UNC13C: variants seen among roughly 807,000 people sequenced by gnomAD.
The protein encoded by UNC13C is unc-13 homolog C.
UNC13C carries 174 observed loss-of-function variants against 245.4 expected under a neutral mutation model. The ratio of observed to expected loss-of-function variants is 0.71; its 90% CI spans 0.63 to 0.80. UNC13C has a LOEUF of 0.80. Ranked by LOEUF, UNC13C falls within the 30% of genes least tolerant of loss-of-function variation. The pLI is 0.00. For synonymous variants in UNC13C, 992 were observed against 895.1 expected, an observed-to-expected ratio of 1.11 and a Z score of -1.93; for missense variants, 2,829 against 2,602.9, an observed-to-expected ratio of 1.09 and a Z score of -1.89.
intron 2 of UNC13C, among the ~76,000 whole-genome samples, chr15:54,076,052 T>C (rs1898596167): frequency 8.1e-6 from 1 of 123,130 alleles, no homozygotes; most frequent in Admixed American, 9.2e-5. Context: ...TTCTGCTCCT[T>C]CACTTAGATT....
intron 2 of UNC13C, among the ~76,000 whole-genome samples, chr15:54,122,519 T>C (rs755307599): frequency 6.6e-5 from 10 of 152,082 alleles, no homozygotes; most frequent in Non-Finnish European, 1.3e-4. Flanking sequence ...ATCCATTGTA[T>C]GTGTGCAGTT....
chr15:53,875,807 C>T, the UNC13C span, among the ~76,000 whole-genome samples: 1 of 152,188 alleles, frequency 6.6e-6, no homozygotes, highest in Non-Finnish European at 1.5e-5. Flanking sequence ...TACTCAAGCA[C>T]TAGGGTCTGG....
At chr15:54,449,673 C>A (rs943178470) in intron 19 of UNC13C, among the ~76,000 whole-genome samples, 1 of 152,110 alleles carries the variant, frequency 6.6e-6, no homozygotes, top group African/African-American at 2.4e-5. Context: ...GTTAGCCATT[C>A]GACTAATCAT....
intron 19 of UNC13C, among the ~76,000 whole-genome samples, chr15:54,480,483 C>G (rs1023081921): frequency 1.4e-5 from 2 of 139,914 alleles, no homozygotes; most frequent in African/African-American, 5.3e-5. Flanking sequence ...TTTATAAATT[C>G]TTCACTCTGC....
intron 10 of UNC13C, among the ~76,000 whole-genome samples, chr15:54,282,374 C>G (rs985514862): frequency 1.3e-5 from 2 of 152,166 alleles, no homozygotes; most frequent in Non-Finnish European, 2.9e-5. Flanking sequence ...GGCGCCCTCT[C>G]TACTTGTCCC....
chr15:54,034,157 A>G (rs1314006422), intron 2 of UNC13C, among the ~76,000 whole-genome samples: 3 of 152,162 alleles, frequency 2.0e-5, no homozygotes, highest in African/African-American at 7.2e-5. Flanking sequence ...CTTGTGGTCA[A>G]GTTTGCAGGT....
Position 54,264,059 on chromosome 15 carries a change from G to A in UNC13C, c.3449-109G>A, listed in dbSNP as rs929321484. 6.3e-6 allele frequency: 7 copies of A among 1,103,502 alleles called. No homozygotes were observed. The African/African-American group carries it at 1.1e-4, about 17-fold the overall frequency. 68.4% of individuals were successfully genotyped at this position (1,103,502 alleles called of 1,614,324 possible). A position where few individuals can be genotyped will look rare whatever the true frequency, so the allele number is the denominator to read the frequency against. ...TTCTAAAAAGCCACCTGACTCCACA[G>A]AATGAAAGCACTCATTCATTCTCAC... On this transcript the variant is annotated intron_variant, in intron 8 of 32. Coordinates refer to ENST00000260323, the MANE Select transcript of UNC13C (RefSeq NM_001080534.3).
At chr15:54,262,171 G>A (rs1055558331) in intron 8 of UNC13C, among the ~76,000 whole-genome samples, 16 of 152,144 alleles carry the variant, frequency 1.1e-4, no homozygotes, top group African/African-American at 1.4e-4. Flanking sequence ...TTTATTGTGT[G>A]CATGGTAGTT....
At chr15:54,486,290 A>G (rs1395014692) in intron 19 of UNC13C, among the ~76,000 whole-genome samples, 1 of 64,020 alleles carries the variant, frequency 1.6e-5, no homozygotes, top group South Asian at 7.0e-4. Context: ...CACACACACA[A>G]TATCAGTGTG....
intron 7 of UNC13C, among the ~76,000 whole-genome samples, chr15:54,244,746 G>C (rs1334628472): frequency 6.6e-6 from 1 of 152,082 alleles, no homozygotes; most frequent in African/African-American, 2.4e-5. Flanking sequence ...GTGAATGGGA[G>C]TCTGTTCACA....
intron 4 of UNC13C, among the ~76,000 whole-genome samples, chr15:54,172,886 G>C (rs2033470646): frequency 6.6e-6 from 1 of 150,534 alleles, no homozygotes; most frequent in Non-Finnish European, 1.5e-5. Flanking sequence ...TGAGACTTGT[G>C]ATCCATTATA....
chr15:54,246,696 G>T (rs994842893), intron 7 of UNC13C, among the ~76,000 whole-genome samples: 1 of 149,598 alleles, frequency 6.7e-6, no homozygotes, highest in Non-Finnish European at 1.5e-5. Flanking sequence ...TAGACTAGCA[G>T]CTGATGAGAA....
Position 54,354,686 on chromosome 15 carries a change from C to G in UNC13C, c.4713+16197C>G, listed in dbSNP as rs187018874. Among the ~76,000 whole-genome samples the G allele has an allele frequency of 4.6e-5, 7 of 152,284 alleles. No homozygotes were observed. The East Asian group carries it at 1.4e-3, about 29-fold the overall frequency. On this transcript the variant is annotated intron_variant, in intron 17 of 32. Transcript: ENST00000260323. ...TGATAGTAAGAGGAACAAGGTTGTA[C>G]AAACCAAAGTAGTACTTCCAACTCA...
chr15:53,960,952 T>A, the UNC13C span, among the ~76,000 whole-genome samples: 4,679 of 152,324 alleles, frequency 0.031, 99 homozygotes, highest in South Asian at 0.058. Flanking sequence ...AACTTCTTTT[T>A]AAAAAGTCTC....
chr15:54,480,977 G>T (rs1893073328), intron 19 of UNC13C, among the ~76,000 whole-genome samples: 1 of 152,148 alleles, frequency 6.6e-6, no homozygotes, highest in East Asian at 1.9e-4. Flanking sequence ...TAGCTGTAGG[G>T]TCTCAGGGTA....
intron 17 of UNC13C, among the ~76,000 whole-genome samples, chr15:54,374,419 C>T (rs1419757300): frequency 2.0e-5 from 3 of 152,166 alleles, no homozygotes; most frequent in Non-Finnish European, 4.4e-5. Context: ...CCCCTCAGCA[C>T]CCAAAGTCTG....
chr15:54,620,300 G>A (rs2553224), intron 30 of UNC13C, among the ~76,000 whole-genome samples: 75 of 152,170 alleles, frequency 4.9e-4, no homozygotes, highest in African/African-American at 1.7e-3. Flanking sequence ...ATGGAAGACC[G>A]CCGACAAGCA....
intron 1 of UNC13C, among the ~76,000 whole-genome samples, chr15:54,006,177 A>T (rs1280821875): frequency 6.6e-6 from 1 of 152,174 alleles, no homozygotes; most frequent in Non-Finnish European, 1.5e-5. Context: ...GACTTTGTAG[A>T]TCCTAAGTGC....
At chr15:54,205,644 C>G (rs1436865362) in intron 4 of UNC13C, among the ~76,000 whole-genome samples, 1 of 152,006 alleles carries the variant, frequency 6.6e-6, no homozygotes, top group Admixed American at 6.6e-5. Flanking sequence ...TCTGGAGCAA[C>G]AGAAAACAGG....
Sources: gnomAD v4.1 joint callset for allele counts (sites outside exome capture counted in the v4.1 genomes callset) on GRCh38, gnomAD v4.1.1 for gene constraint, MANE v1.5 for transcripts, NCBI Gene and HGNC (gene_info 2026-07-23, HGNC 2026-07-21) for gene names.